Variants in GEN1 observed in about 807,000 individuals in gnomAD.
The protein encoded by GEN1 is GEN1 structure-specific endonuclease, also known as flap endonuclease GEN homolog 1.
Under a neutral mutation model 67.6 loss-of-function variants are expected in GEN1, and 64 were observed. The observed-to-expected ratio is 0.95, with a 90% CI of 0.77 to 1.17. The LOEUF is 1.17. Among genes scored for constraint, GEN1 ranks in the 50% most tolerant of loss-of-function variants. GEN1 has a pLI of 0.00. For synonymous variants in GEN1, 371 were observed against 359.4 expected (o/e 1.03, Z -0.37); for missense variants, 1,058 against 1,048.3 (o/e 1.01, Z -0.13).
intron 6 of GEN1, among the ~76,000 whole-genome samples, chr2:17,769,041 A>G (rs1007139651): frequency 2.6e-5 from 4 of 151,694 alleles, no homozygotes; most frequent in African/African-American, 7.3e-5. Context: ...TTTTTTGGAG[A>G]CAAGGTCTCA....
intron 10 of GEN1, among the ~76,000 whole-genome samples, chr2:17,773,627 A>G (rs1482848193): frequency 6.6e-6 from 1 of 152,112 alleles, no homozygotes; most frequent in Non-Finnish European, 1.5e-5. Context: ...ATCATTTACA[A>G]AAACATTGAT....
rs1046153209 is a variant in GEN1, at chr2:17,788,027, T to C, written c.*6088T>C. ...AATTTCTCTGTGGAGAGAGACCAAA[T>C]CTAACCGGGTGGATTAGCTTGATAC... On this transcript the variant is annotated 3_prime_UTR_variant, in exon 14 of 14. Coordinates refer to ENST00000381254, the MANE Select transcript of GEN1 (RefSeq NM_001130009.3). The C allele has an allele frequency of 6.6e-6, 1 of 152,182 alleles. No homozygotes were observed. The highest frequency in any genetic ancestry group is 1.5e-5 in the Non-Finnish European group (1 of 68,034). The allele number at this position is 152,182 out of a possible 1,614,324, so 9.4% of individuals were successfully genotyped here. A position where few individuals can be genotyped will look rare whatever the true frequency, so the allele number is the denominator to read the frequency against.
chr2:17,779,445 A>C (rs978623655), intron 12 of GEN1, among the ~76,000 whole-genome samples: 2 of 152,254 alleles, frequency 1.3e-5, no homozygotes, highest in Non-Finnish European at 2.9e-5. Flanking sequence ...CTAATTTAGA[A>C]AGAATCTCCA....
intron 3 of GEN1, among the ~76,000 whole-genome samples, chr2:17,764,231 A>G (rs566420944): frequency 3.7e-4 from 57 of 152,336 alleles, no homozygotes; most frequent in African/African-American, 1.4e-3. Context: ...CGAGAGTTTC[A>G]TTGTACAGGG....
chr2:17,760,273 T>C (rs1022002367), intron 2 of GEN1, among the ~76,000 whole-genome samples, 169 bp downstream of exon 2: 4 of 152,334 alleles, frequency 2.6e-5, no homozygotes, highest in African/African-American at 9.6e-5. Flanking sequence ...AGGACTCACA[T>C]TCGTACCTCT....
At position 17,766,584 on chromosome 2, in the gene GEN1, A is replaced by AC. The variant is rs750656051; in HGVS notation, c.532dup (p.His178ProfsTer3). On this transcript the variant is annotated frameshift_variant, in exon 5 of 14. Transcript: ENST00000381254. LOFTEE classifies it high-confidence loss of function. ...TAAATCTGTTCTTTCTTTAGGACCC[A>AC]CATGTTGACTGTTACACAATGTCAT... 1 of 1,561,426 alleles carries AC rather than the reference A, an allele frequency of 6.4e-7. No individual in the cohort carries two copies. The highest frequency in any genetic ancestry group is 1.4e-5 in the African/African-American group (1 of 73,758).
chr2:17,778,323 C>CACATGT (rs1553331284), intron 12 of GEN1, among the ~76,000 whole-genome samples: 2 of 30,868 alleles, frequency 6.5e-5, no homozygotes, highest in African/African-American at 1.1e-4. Context: ...TACACACACA[C>CACATGT]GTGTACATAT....
rs757321746 is a variant in GEN1 at position 17,780,820 on chromosome 2, A to C, written c.1608A>C (p.Pro536=). The change falls in exon 14 of 14, where the codon CCA becomes CCC. Residue 536 remains proline (P), a synonymous_variant. Coordinates refer to ENST00000381254, the MANE Select transcript of GEN1 (RefSeq NM_001130009.3). ...LNSLLLPKNT[P]CLNAQEQFMS... ...GCTTGCTTTTACCTAAAAATACTCC[A>C]TGTTTGAATGCACAAGAACAGTTCA... 5.0e-6 allele frequency: 8 copies of C among 1,613,840 alleles called. No homozygotes were observed. Among genetic ancestry groups the C allele is most frequent in the Admixed American group, 1.7e-5 (1 of 59,998 alleles).
At position 17,785,224 on chromosome 2, in the gene GEN1, A is replaced by T. The variant is rs1475043224; in HGVS notation, c.*3285A>T. ...GCCAGAAAGGTTGGGGACTGCTGAT[A>T]TACCTAATATAGGCATAAGTGTAAA... On this transcript the variant is annotated 3_prime_UTR_variant, in exon 14 of 14. Transcript: ENST00000381254. 6.6e-6 allele frequency: 1 copy of T among 152,222 alleles called. No homozygotes were observed. Among genetic ancestry groups the T allele is most frequent in the African/African-American group, 2.4e-5 (1 of 41,440 alleles). 9.4% of individuals were successfully genotyped at this position (152,222 alleles called of 1,614,324 possible).
In GEN1 at chr2:17,754,261, T is replaced by C. The variant is rs1037035088; in HGVS notation, c.-100T>C. ...TTTCCTTTTGAGAAAATTCAGAAAT[T>C]TGGAGGCACAGTAGTTAGGATTCAG... On this transcript the variant is annotated 5_prime_UTR_variant, in exon 1 of 14. Coordinates refer to ENST00000381254, the MANE Select transcript of GEN1 (RefSeq NM_001130009.3). The C allele has an allele frequency of 6.6e-6, 1 of 151,806 alleles. No homozygotes were observed. The highest frequency in any genetic ancestry group is 2.4e-5 in the African/African-American group (1 of 41,264). The allele number at this position is 151,806 out of a possible 1,614,324, so 9.4% of individuals were successfully genotyped here.
rs1273492547 is a variant in GEN1, at chr2:17,778,394, ATATG to A, written c.1264+335_1264+338del. 7.5e-5 allele frequency among the ~76,000 whole-genome samples: 3 copies of A among 39,878 alleles called. 1 individual carries two copies. Among genetic ancestry groups the A allele is most frequent in the African/African-American group, 2.1e-4 (3 of 14,024 alleles). 26.2% of individuals were successfully genotyped at this position (39,878 alleles called of 152,430 possible). On this transcript the variant is annotated intron_variant, in intron 12 of 13. Transcript: ENST00000381254. ...TACACACACATATATGTGTGTACAT[ATATG>A]TATATACACACATATATGTGTGTAC...
In GEN1 at chr2:17,783,108, G is replaced by A. The variant is rs1424105201; in HGVS notation, c.*1169G>A. 1.3e-5 allele frequency: 2 copies of A among 152,164 alleles called. No individual in the cohort carries two copies. Among genetic ancestry groups the A allele is most frequent in the African/African-American group, 4.8e-5 (2 of 41,392 alleles). 9.4% of individuals were successfully genotyped at this position (152,164 alleles called of 1,614,324 possible). A position where few individuals can be genotyped will look rare whatever the true frequency, so the allele number is the denominator to read the frequency against. On this transcript the variant is annotated 3_prime_UTR_variant, in exon 14 of 14. Coordinates refer to ENST00000381254, the MANE Select transcript of GEN1 (RefSeq NM_001130009.3). Reference sequence around the variant, plus strand: ...AGAGTCTCACTCTTGTCGAGACTGGGGTGTAGTGGCGCCATCTTGGCTCAC... The same window carrying A: ...AGAGTCTCACTCTTGTCGAGACTGGAGTGTAGTGGCGCCATCTTGGCTCAC...
chr2:17,759,088 A>G (rs1012113051), intron 1 of GEN1, among the ~76,000 whole-genome samples: 1 of 152,204 alleles, frequency 6.6e-6, no homozygotes, highest in Non-Finnish European at 1.5e-5. Flanking sequence ...TTGACTTAAT[A>G]TATTATTGTC....
At chr2:17,753,689 G>T (rs1445577225), upstream of GEN1, 1 of 152,216 alleles carries the variant, frequency 6.6e-6, no homozygotes, top group African/African-American at 2.4e-5. Context: ...ACGACCGGCC[G>T]CTAAGGCCAC....
intron 6 of GEN1, among the ~76,000 whole-genome samples, chr2:17,770,374 T>G (rs1055273710): frequency 6.6e-6 from 1 of 152,216 alleles, no homozygotes; most frequent in Non-Finnish European, 1.5e-5. Context: ...AGGCTTGTAC[T>G]TGGTCTTTGT....
At chr2:17,771,130 T>A (rs1165456476) in intron 6 of GEN1, 66 bp from the exon 7 acceptor site, 6 of 905,510 alleles carry the variant, frequency 6.6e-6, no homozygotes, top group Non-Finnish European at 9.2e-6. Context: ...AGCCTGATAT[T>A]TGAGAACATA....
chr2:17,755,399 A>G (rs1671376322), intron 1 of GEN1: 1 of 152,182 alleles, frequency 6.6e-6, no homozygotes, highest in Non-Finnish European at 1.5e-5. Context: ...ATCTTCCATT[A>G]TTGTATCTCC....
intron 11 of GEN1, 97 bp from the exon 12 acceptor site, chr2:17,777,905 T>TG (rs1193980162): frequency 1.5e-6 from 1 of 671,980 alleles, no homozygotes; most frequent in Non-Finnish European, 2.7e-6. Flanking sequence ...TGTTTTTACC[T>TG]GGGAAAAAAA....
chr2:17,770,102 T>G (rs1672115705), intron 6 of GEN1, among the ~76,000 whole-genome samples: 1 of 152,124 alleles, frequency 6.6e-6, no homozygotes, highest in Admixed American at 6.6e-5. Context: ...TTGGCCTGGG[T>G]GTGAGTTAAG....
Sources: allele counts gnomAD v4.1 joint callset (sites outside exome capture counted in the v4.1 genomes callset), GRCh38; gene constraint gnomAD v4.1.1; transcripts MANE v1.5; gene names NCBI Gene and HGNC (gene_info 2026-07-23, HGNC 2026-07-21).